ANKMY2: variants seen among roughly 807,000 people sequenced by gnomAD.
The protein encoded by ANKMY2 is ankyrin repeat and MYND domain-containing protein 2.
A neutral mutation model predicts 50.4 loss-of-function variants in ANKMY2; 36 were observed. That is an observed-to-expected ratio of 0.71 (90% CI 0.55 to 0.94). The LOEUF (loss-of-function observed/expected upper bound fraction) is 0.94, where lower values mean the gene tolerates loss of function less well. Ranked by LOEUF, ANKMY2 falls within the 40% of genes least tolerant of loss-of-function variation. The pLI, the probability that ANKMY2 is intolerant of heterozygous loss-of-function variation, is 0.00. For missense variants in ANKMY2, 565 were observed against 524.0 expected, an observed-to-expected ratio of 1.08 and a Z score of -0.76; for synonymous variants, 187 against 178.8, an observed-to-expected ratio of 1.05 and a Z score of -0.36.
chr7:16,637,008 C>T (rs1262536786), intron 1 of ANKMY2, among the ~76,000 whole-genome samples: 1 of 152,188 alleles, frequency 6.6e-6, no homozygotes, highest in Non-Finnish European at 1.5e-5. Flanking sequence ...TGAAAGTCAA[C>T]TAATGTAAAC....
At chr7:16,603,478 T>C (rs1781104109) in intron 8 of ANKMY2, 2 of 345,996 alleles carry the variant, frequency 5.8e-6, no homozygotes, top group Admixed American at 3.4e-5. Context: ...CAAGAAGTTT[T>C]TGTAAATGGC....
intron 4 of ANKMY2, among the ~76,000 whole-genome samples, chr7:16,621,008 A>C (rs964625841): frequency 2.6e-5 from 4 of 152,208 alleles, no homozygotes; most frequent in Non-Finnish European, 2.9e-5. Flanking sequence ...AAAACAGGAA[A>C]AAGACATGCC....
At chr7:16,619,344 G>C (rs1056272793) in intron 4 of ANKMY2, among the ~76,000 whole-genome samples, 2 of 151,988 alleles carry the variant, frequency 1.3e-5, no homozygotes, top group African/African-American at 4.8e-5. Flanking sequence ...AGTAGAGGCG[G>C]GGTTTCTCCA....
chr7:16,606,071 C>A (rs908818501), intron 7 of ANKMY2, among the ~76,000 whole-genome samples: 1 of 152,150 alleles, frequency 6.6e-6, no homozygotes, highest in African/African-American at 2.4e-5. Flanking sequence ...CCCGCCTTGG[C>A]TTCCCAAAGT....
At chr7:16,621,199 G>A (rs1339210778) in intron 4 of ANKMY2, among the ~76,000 whole-genome samples, 1 of 152,140 alleles carries the variant, frequency 6.6e-6, no homozygotes. Flanking sequence ...GGAGGTGGTA[G>A]TGCAAATTCT....
At chr7:16,601,648 C>T (rs1562764098) in intron 9 of ANKMY2, among the ~76,000 whole-genome samples, 2 of 152,198 alleles carry the variant, frequency 1.3e-5, no homozygotes, top group Admixed American at 6.5e-5. Flanking sequence ...GATATGGTTC[C>T]TTGAGAGATG....
chr7:16,631,764 G>A (rs942318971), intron 2 of ANKMY2, among the ~76,000 whole-genome samples: 1 of 151,722 alleles, frequency 6.6e-6, no homozygotes, highest in Non-Finnish European at 1.5e-5. Flanking sequence ...ACAGGCGCCC[G>A]CCACCACGCC....
At chr7:16,625,198 G>T in intron 3 of ANKMY2, 117 bp from the exon 4 acceptor site, 1 of 652,022 alleles carries the variant, frequency 1.5e-6, no homozygotes, top group Non-Finnish European at 2.6e-6. Context: ...CTGTCATGTG[G>T]ATATTTTCAT....
chr7:16,636,455 C>T lies in ANKMY2; in HGVS notation c.68G>A (p.Gly23Asp), dbSNP rs1322184063. ...TAATGTTCCAGCTTCTTGGACAGTA[C>T]CTAAAAAAAAAAAAAAGATGAAAAG... ...EKELLEVIGK[G>D]TVQEAGTLLS... Residue 23 changes from glycine (G) to aspartate (D), a missense_variant and splice_region_variant, in exon 2 of 10, where the codon GGT (glycine) becomes GAT (aspartate). By Grantham distance (94) the Gly-to-Asp change is moderately conservative. Transcript: ENST00000306999. 6 of 1,546,442 alleles carry T rather than the reference C, an allele frequency of 3.9e-6. No homozygotes were observed. The highest frequency in any genetic ancestry group is 2.0e-5 in the Admixed American group (1 of 50,204).
chr7:16,611,069 C>T (rs1337447537), intron 5 of ANKMY2, among the ~76,000 whole-genome samples: 5 of 152,166 alleles, frequency 3.3e-5, no homozygotes, highest in African/African-American at 4.8e-5. Flanking sequence ...GTTAAATTCA[C>T]TTTTACTAAA....
intron 8 of ANKMY2, among the ~76,000 whole-genome samples, chr7:16,603,156 T>C (rs1422029295): frequency 6.6e-6 from 1 of 152,174 alleles, no homozygotes; most frequent in East Asian, 1.9e-4. Context: ...CTTTAGCAAA[T>C]AGCTTATTAT....
chr7:16,616,694 G>A (rs941516155), intron 4 of ANKMY2, among the ~76,000 whole-genome samples: 67 of 152,216 alleles, frequency 4.4e-4, no homozygotes, highest in African/African-American at 1.5e-3. Flanking sequence ...CTGGATCTCC[G>A]GAGGAGACTT....
intron 2 of ANKMY2, among the ~76,000 whole-genome samples, chr7:16,634,281 C>T (rs776493716): frequency 8.5e-5 from 13 of 152,134 alleles, no homozygotes; most frequent in Non-Finnish European, 1.5e-4. Flanking sequence ...GACAAAATAA[C>T]AATTTGCAAG....
At chr7:16,610,220 C>T (rs576023887) in intron 6 of ANKMY2, among the ~76,000 whole-genome samples, 3 of 152,270 alleles carry the variant, frequency 2.0e-5, no homozygotes, top group Admixed American at 1.3e-4. Context: ...CCTAGGGCTG[C>T]GACCTAGGGC....
At chr7:16,619,151 A>C (rs1255558140) in intron 4 of ANKMY2, among the ~76,000 whole-genome samples, 3 of 151,526 alleles carry the variant, frequency 2.0e-5, no homozygotes, top group African/African-American at 7.3e-5. Flanking sequence ...TTTCTTTATT[A>C]TACCTTTTTT....
At position 16,626,126 on chromosome 7, in the gene ANKMY2, G is replaced by A. The variant is rs1454120103; in HGVS notation, c.271+914C>T. ...CTCCTGAGTAGCTGGCACCACAGACGTGCGCCACTGTCCCTGGCTAATATT... is the reference window on the plus strand; with the variant it reads ...CTCCTGAGTAGCTGGCACCACAGACATGCGCCACTGTCCCTGGCTAATATT... On this transcript the variant is annotated intron_variant, in intron 3 of 9. Transcript: ENST00000306999. Among the ~76,000 whole-genome samples, 7 of 151,714 alleles carry A rather than the reference G, an allele frequency of 4.6e-5. No individual in the cohort carries two copies. In the South Asian group the frequency reaches 1.0e-3, roughly 23 times the overall value.
intron 5 of ANKMY2, among the ~76,000 whole-genome samples, chr7:16,613,365 G>A (rs550204519): frequency 1.3e-5 from 2 of 152,230 alleles, no homozygotes; most frequent in East Asian, 3.9e-4. Flanking sequence ...CATAGGAAAT[G>A]CCATGCTAGC....
chr7:16,619,832 C>T (rs1781407898), intron 4 of ANKMY2, among the ~76,000 whole-genome samples: 1 of 152,188 alleles, frequency 6.6e-6, no homozygotes, highest in African/African-American at 2.4e-5. Flanking sequence ...AATAGGAACA[C>T]ACACATACAA....
intron 1 of ANKMY2, chr7:16,644,835 C>T (rs1472139663): frequency 9.9e-6 from 4 of 402,912 alleles, no homozygotes; most frequent in Non-Finnish European, 2.0e-5. Flanking sequence ...GACAAGAAAG[C>T]GCGAAGGAGC....
Sources: gnomAD v4.1 joint callset for allele counts (sites outside exome capture counted in the v4.1 genomes callset) on GRCh38, gnomAD v4.1.1 for gene constraint, MANE v1.5 for transcripts, NCBI Gene and HGNC (gene_info 2026-07-23, HGNC 2026-07-21) for gene names.